Variants in TMC1 observed in about 807,000 individuals in gnomAD.
TMC1 encodes transmembrane channel like 1.
TMC1 carries 84 observed loss-of-function variants against 105.8 expected under a neutral mutation model. The observed-to-expected ratio is 0.79, with a 90% CI of 0.67 to 0.95. TMC1 has a LOEUF of 0.95. TMC1 is among the 40% of genes least tolerant of loss of function. TMC1 has a pLI of 0.00. For synonymous variants in TMC1, 315 were observed against 311.5 expected (o/e 1.01, Z -0.12); for missense variants, 817 against 914.1 (o/e 0.89, Z 1.37).
intron 2 of TMC1, among the ~76,000 whole-genome samples, chr9:72,608,115 G>C (rs1258365111): frequency 6.6e-6 from 1 of 152,198 alleles, no homozygotes; most frequent in Non-Finnish European, 1.5e-5. Flanking sequence ...CTGTATTTCA[G>C]ATCTGCTTTT....
intron 5 of TMC1, among the ~76,000 whole-genome samples, chr9:72,666,254 C>G (rs1241569357): frequency 6.8e-5 from 10 of 147,936 alleles, no homozygotes; most frequent in Admixed American, 2.0e-4. Flanking sequence ...TGTCCTGTCT[C>G]TATTAAAAAA....
intron 12 of TMC1, among the ~76,000 whole-genome samples, chr9:72,769,499 G>C (rs768386207): frequency 1.3e-5 from 2 of 152,222 alleles, no homozygotes; most frequent in Non-Finnish European, 2.9e-5. Context: ...AGAAGGAAGA[G>C]ATGTCCGCAT....
intron 4 of TMC1, among the ~76,000 whole-genome samples, chr9:72,647,478 C>CA (rs1259526015): frequency 1.3e-5 from 2 of 152,120 alleles, no homozygotes; most frequent in African/African-American, 4.8e-5. Flanking sequence ...TAATTTGCAA[C>CA]AAAACCTTAT....
chr9:72,717,764 A>G (rs1197095857), intron 8 of TMC1, among the ~76,000 whole-genome samples: 2 of 152,288 alleles, frequency 1.3e-5, no homozygotes, highest in African/African-American at 2.4e-5. Flanking sequence ...CCTGATAACT[A>G]TAGGTTTAGG....
intron 2 of TMC1, among the ~76,000 whole-genome samples, chr9:72,581,952 A>G (rs578053921): frequency 1.5e-4 from 23 of 152,266 alleles, no homozygotes; most frequent in African/African-American, 5.5e-4. Flanking sequence ...ACAGGAAATG[A>G]TAGCATCTTT....
intron 3 of TMC1, among the ~76,000 whole-genome samples, chr9:72,625,545 G>T (rs1376415942): frequency 1.3e-5 from 2 of 151,946 alleles, no homozygotes; most frequent in Non-Finnish European, 2.9e-5. Flanking sequence ...AAAATTAGCC[G>T]GGCGTGGTGG....
intron 17 of TMC1, 197 bp from the exon 18 acceptor site, chr9:72,805,185 G>T: frequency 2.2e-6 from 1 of 455,800 alleles, no homozygotes; most frequent in South Asian, 3.5e-5. Flanking sequence ...TAGTAAACGG[G>T]AAATAATTAT....
chr9:72,522,518 T>G (rs1189154814), intron 1 of TMC1, among the ~76,000 whole-genome samples: 1 of 152,082 alleles, frequency 6.6e-6, no homozygotes, highest in Admixed American at 6.5e-5. Context: ...CAAACAAACA[T>G]GACAGTAAAG....
intron 8 of TMC1, among the ~76,000 whole-genome samples, chr9:72,711,758 A>G (rs1588044562): frequency 1.3e-5 from 2 of 152,248 alleles, no homozygotes; most frequent in African/African-American, 4.8e-5. Context: ...CCTGTGCAGA[A>G]GCTCTTCAGT....
intron 1 of TMC1, among the ~76,000 whole-genome samples, chr9:72,539,643 C>T (rs1325968670): frequency 6.6e-6 from 1 of 152,120 alleles, no homozygotes; most frequent in African/African-American, 2.4e-5. Flanking sequence ...AACCACTTAA[C>T]TAATCTCTAA....
intron 1 of TMC1, among the ~76,000 whole-genome samples, chr9:72,576,743 C>G (rs1237983673): frequency 9.2e-5 from 14 of 151,506 alleles, no homozygotes; most frequent in Non-Finnish European, 5.9e-5. Context: ...GATTCTCCTG[C>G]TCAGCCTCTC....
intron 14 of TMC1, among the ~76,000 whole-genome samples, chr9:72,788,734 T>C (rs997157493): frequency 1.3e-5 from 2 of 152,160 alleles, no homozygotes; most frequent in Non-Finnish European, 2.9e-5. Flanking sequence ...TGGATTGAAA[T>C]AGGACCATGA....
chr9:72,758,555 G>A (rs1352203506), intron 12 of TMC1, among the ~76,000 whole-genome samples: 1 of 152,180 alleles, frequency 6.6e-6, no homozygotes, highest in Non-Finnish European at 1.5e-5. Context: ...GGCTGCCTGA[G>A]CACAGATTGT....
chr9:72,630,755 A>G (rs771256114), intron 4 of TMC1, among the ~76,000 whole-genome samples: 5 of 152,194 alleles, frequency 3.3e-5, no homozygotes, highest in Non-Finnish European at 5.9e-5. Context: ...AAAACTATAT[A>G]CTAAAGAAAG....
chr9:72,836,052 C>G lies in TMC1; in HGVS notation c.*79C>G, dbSNP rs542333156. 4.5e-5 allele frequency: 68 copies of G among 1,515,538 alleles called. 1 individual carries two copies. The South Asian group carries it at 4.7e-4, about 10-fold the overall frequency. 93.9% of individuals were successfully genotyped at this position (1,515,538 alleles called of 1,614,324 possible). ...ATGCAATATGTGAACGCCCAGAGAA[C>G]AAGCACTGTGGAACTGCTATTTTCC... On this transcript the variant is annotated 3_prime_UTR_variant, in exon 24 of 24. Coordinates refer to ENST00000297784, the MANE Select transcript of TMC1 (RefSeq NM_138691.3).
rs140437301 is a variant in TMC1, at chr9:72,688,738, G to A, written c.46G>A (p.Glu16Lys). The stretch of plus-strand genomic sequence containing the variant: ...AATCAAAGTGGAGGAAAAAGAAGAC[G>A]AGACTGAGGAAAGCTCAAGTAAGTG... ...VQIKVEEKED[E>K]TEESSSEEEE... The change falls in exon 6 of 24, where the codon GAG (glutamate) becomes AAG (lysine). Residue 16 changes from glutamate (E) to lysine (K), a missense_variant. Glu to Lys is a moderately conservative substitution (Grantham distance 56). Coordinates refer to ENST00000297784, the MANE Select transcript of TMC1 (RefSeq NM_138691.3). The A allele has an allele frequency of 4.3e-4, 695 of 1,611,694 alleles. 1 individual carries two copies. The highest frequency in any genetic ancestry group is 5.4e-4 in the Non-Finnish European group (636 of 1,178,562).
intron 13 of TMC1, among the ~76,000 whole-genome samples, chr9:72,788,065 A>T (rs992381755): frequency 1.3e-5 from 2 of 152,214 alleles, no homozygotes; most frequent in Non-Finnish European, 2.9e-5. Context: ...AACAAAACAC[A>T]TAAAAATATG....
chr9:72,768,859 A>G (rs900286776), intron 12 of TMC1, among the ~76,000 whole-genome samples: 1 of 152,232 alleles, frequency 6.6e-6, no homozygotes, highest in Non-Finnish European at 1.5e-5. Flanking sequence ...TGAATTAGAT[A>G]AAAGATATCA....
Position 72,826,884 on chromosome 9 carries a change from G to T in TMC1, c.2019G>T (p.Met673Ile). Residue 673 changes from methionine to isoleucine, a missense_variant, in exon 21 of 24, where the codon ATG becomes ATT. Physicochemically the swap from Met to Ile is conservative, Grantham distance 10. Transcript: ENST00000297784. ...DCGPFSGKNR[M>I]FEVIGETLEH... The stretch of plus-strand genomic sequence containing the variant: ...ATTCCCCCAGTGGCAAAAATAGAAT[G>T]TTTGAAGTCATTGGAGAGACCCTGG... 6.2e-7 allele frequency: 1 copy of T among 1,613,966 alleles called. No homozygotes were observed. Among genetic ancestry groups the T allele is most frequent in the African/African-American group, 1.3e-5 (1 of 75,028 alleles).
Sources: gnomAD v4.1 joint callset for allele counts (sites outside exome capture counted in the v4.1 genomes callset) on GRCh38, gnomAD v4.1.1 for gene constraint, MANE v1.5 for transcripts, NCBI Gene and HGNC (gene_info 2026-07-23, HGNC 2026-07-21) for gene names.